SPTBN1: variants seen among roughly 807,000 people sequenced by gnomAD.
SPTBN1 encodes the protein spectrin beta, non-erythrocytic 1, also known as spectrin beta chain, non-erythrocytic 1.
Under a neutral mutation model 266.4 loss-of-function variants are expected in SPTBN1, and 32 were observed. The observed-to-expected ratio is 0.12, with a 90% CI of 0.09 to 0.16. The LOEUF is 0.16. Ranked by LOEUF, SPTBN1 falls within the 10% of genes least tolerant of loss-of-function variation. The pLI is 1.00. For missense variants in SPTBN1, 2,296 were observed against 3,067.1 expected (o/e 0.75, Z 5.94); for synonymous variants, 1,336 against 1,162.2 (o/e 1.15, Z -3.04).
At chr2:54,457,945 G>T (rs1693155577) in intron 1 of SPTBN1, among the ~76,000 whole-genome samples, 2 of 152,244 alleles carry the variant, frequency 1.3e-5, no homozygotes, top group Non-Finnish European at 1.5e-5. Flanking sequence ...AATCTGATCT[G>T]CGACCAGGGG....
At chr2:54,582,421 A>G (rs898425044) in intron 2 of SPTBN1, among the ~76,000 whole-genome samples, 7 of 152,012 alleles carry the variant, frequency 4.6e-5, no homozygotes, top group Non-Finnish European at 4.4e-5. Flanking sequence ...AGGATTAGCC[A>G]GGCATAGTGG....
chr2:54,469,987 G>C (rs1010056758), intron 1 of SPTBN1, among the ~76,000 whole-genome samples: 19 of 152,200 alleles, frequency 1.2e-4, no homozygotes, highest in African/African-American at 4.1e-4. Context: ...TGTTTCAAAG[G>C]TAGGTTTTTG....
intron 9 of SPTBN1, 32 bp from the exon 10 acceptor site, chr2:54,623,447 A>G (rs1441562638): frequency 1.3e-6 from 2 of 1,598,682 alleles, no homozygotes; most frequent in African/African-American, 1.3e-5. Flanking sequence ...TTTTTTCTCC[A>G]GTACCAAATG....
At chr2:54,657,816 G>T in intron 29 of SPTBN1, 34 bp from the exon 30 acceptor site, 1 of 1,613,440 alleles carries the variant, frequency 6.2e-7, no homozygotes, top group South Asian at 1.1e-5. Context: ...GCACCTCCTG[G>T]TCAACGTGTA....
intron 1 of SPTBN1, among the ~76,000 whole-genome samples, chr2:54,524,573 C>T (rs928694903): frequency 1.3e-5 from 2 of 152,194 alleles, no homozygotes; most frequent in Admixed American, 6.5e-5. Flanking sequence ...GGAGTAGCCT[C>T]CCAAGTGGCC....
At chr2:54,576,699 A>G (rs558391373) in intron 2 of SPTBN1, among the ~76,000 whole-genome samples, 2 of 152,324 alleles carry the variant, frequency 1.3e-5, no homozygotes, top group Middle Eastern at 3.4e-3. Context: ...TGAGGGAGCC[A>G]TCAAATCCAT....
At chr2:54,619,514 C>T (rs184345362) in intron 7 of SPTBN1, among the ~76,000 whole-genome samples, 100 of 152,300 alleles carry the variant, frequency 6.6e-4, no homozygotes, top group East Asian at 1.2e-3. Context: ...TTCCCCAGAT[C>T]ACAAGACGAG....
chr2:54,484,080 G>A (rs1011213959), intron 1 of SPTBN1, among the ~76,000 whole-genome samples: 2 of 152,114 alleles, frequency 1.3e-5, no homozygotes, highest in African/African-American at 4.8e-5. Context: ...CTGTGCCTTG[G>A]GAGGCTGAGG....
At chr2:54,470,742 C>T (rs1422087344) in intron 1 of SPTBN1, among the ~76,000 whole-genome samples, 2 of 152,076 alleles carry the variant, frequency 1.3e-5, no homozygotes, top group Non-Finnish European at 2.9e-5. Context: ...GAGAGGCTGA[C>T]GTGGGAGGAT....
At chr2:54,612,434 AC>A in intron 4 of SPTBN1, 100 bp downstream of exon 4, 1 of 1,351,152 alleles carries the variant, frequency 7.4e-7, no homozygotes, top group Non-Finnish European at 1.0e-6. Context: ...GATCGGGAAG[AC>A]CAGGTTGAAA....
rs2103905417 is a variant in SPTBN1, at chr2:54,626,862, A to G, written c.1644+628A>G. 6.6e-6 allele frequency among the ~76,000 whole-genome samples: 1 copy of G among 152,330 alleles called. No homozygotes were observed. Among genetic ancestry groups the G allele is most frequent in the African/African-American group, 2.4e-5 (1 of 41,568 alleles). Reference sequence around the variant, plus strand: ...ATGCCATTTATTGACTGCTCTTAGCATAGAGTTCCAACCTTTCCCCCTTCC... The same window carrying G: ...ATGCCATTTATTGACTGCTCTTAGCGTAGAGTTCCAACCTTTCCCCCTTCC... On this transcript the variant is annotated intron_variant, in intron 12 of 35. Coordinates refer to ENST00000356805, the MANE Select transcript of SPTBN1 (RefSeq NM_003128.3). The surrounding 1 kb of genome is among the most constrained non-coding windows in gnomAD (Gnocchi z 4.7).
In SPTBN1 at chr2:54,629,580, G is replaced by A. The variant is rs141532384; in HGVS notation, c.2446G>A (p.Glu816Lys). The change falls in exon 14 of 36, where the codon GAG (glutamate) becomes AAG (lysine). Residue 816 changes from glutamate to lysine, a missense_variant. Coordinates refer to ENST00000356805, the MANE Select transcript of SPTBN1 (RefSeq NM_003128.3). ...QASALPQEHA[E>K]SPDVRGRLSG... is the part of the protein sequence containing the mutation. ...CAGCGCCCTCCCCCAGGAGCATGCC[G>A]AGTCTCCAGACGTGAGGGGCAGGCT... 54 of 1,614,060 alleles carry A rather than the reference G, an allele frequency of 3.3e-5. 1 individual carries two copies. Among genetic ancestry groups the A allele is most frequent in the South Asian group, 1.8e-4 (16 of 91,086 alleles).
In SPTBN1 at chr2:54,664,403, C is replaced by T. The variant is rs762690398; in HGVS notation, c.6421-50C>T. On this transcript the variant is annotated intron_variant, in intron 32 of 35. Transcript: ENST00000356805. This position sits in a 1 kb window ranked among gnomAD's most constrained non-coding sequence, Gnocchi z 5.6. The stretch of plus-strand genomic sequence containing the variant: ...GCGAGTCAGGTAGAGCGTATGTGGT[C>T]ACCCCCATGGCTCACGGAGTTAGCT... 4 of 1,563,776 alleles carry T rather than the reference C, an allele frequency of 2.6e-6. No individual in the cohort carries two copies. In the South Asian group the frequency reaches 4.6e-5, roughly 18 times the overall value.
intron 1 of SPTBN1, among the ~76,000 whole-genome samples, chr2:54,494,945 T>G (rs2104052243): frequency 6.6e-6 from 1 of 152,044 alleles, no homozygotes; most frequent in South Asian, 2.1e-4. Context: ...CTGAAAAAAG[T>G]TCTGTCTTCC....
At position 54,617,671 on chromosome 2, in the gene SPTBN1, A is replaced by C; in HGVS notation, c.630A>C (p.Ala210=). 1 of 1,614,162 alleles carries C rather than the reference A, an allele frequency of 6.2e-7. No homozygotes were observed. The highest frequency in any genetic ancestry group is 8.5e-7 in the Non-Finnish European group (1 of 1,180,000). Residue 210 remains alanine, a synonymous_variant, in exon 6 of 36, where the codon GCA becomes GCC. Transcript: ENST00000356805. ...TSWRDGMAFN[A]LIHKHRPDLI... ...GGAGGGACGGCATGGCCTTCAATGCACTGATACACAAACACCGGTAAGTCC... is the reference window on the plus strand; with the variant it reads ...GGAGGGACGGCATGGCCTTCAATGCCCTGATACACAAACACCGGTAAGTCC...
At chr2:54,536,859 C>A (rs1288681843) in intron 2 of SPTBN1, among the ~76,000 whole-genome samples, 4 of 151,888 alleles carry the variant, frequency 2.6e-5, no homozygotes, top group Non-Finnish European at 2.9e-5. Context: ...TAGTGAGACC[C>A]TGTGTCTCTG....
At chr2:54,639,492 A>G (rs932377220) in intron 18 of SPTBN1, among the ~76,000 whole-genome samples, 2 of 152,228 alleles carry the variant, frequency 1.3e-5, no homozygotes, top group African/African-American at 4.8e-5. Context: ...CTCAGTTTAA[A>G]TCTAAGAAAA....
intron 18 of SPTBN1, among the ~76,000 whole-genome samples, chr2:54,641,812 G>A (rs920110773): frequency 6.6e-5 from 10 of 152,122 alleles, no homozygotes; most frequent in Non-Finnish European, 1.3e-4. Flanking sequence ...AACAAATCTC[G>A]GGGAGCCTTT....
intron 17 of SPTBN1, among the ~76,000 whole-genome samples, chr2:54,636,825 T>C (rs1248421923): frequency 6.6e-6 from 1 of 152,162 alleles, no homozygotes; most frequent in Non-Finnish European, 1.5e-5. Flanking sequence ...AACTCAGGAG[T>C]ATCAAGGAAG....
Sources: gnomAD v4.1 joint callset for allele counts (sites outside exome capture counted in the v4.1 genomes callset) on GRCh38, gnomAD v4.1.1 for gene constraint, Gnocchi (gnomAD v3.1) non-coding constraint, MANE v1.5 for transcripts, NCBI Gene and HGNC (gene_info 2026-07-23, HGNC 2026-07-21) for gene names.